Variants in ELOVL6 observed in about 807,000 individuals in gnomAD.
The protein encoded by ELOVL6 is very long chain fatty acid elongase 6.
Under a neutral mutation model 31.7 loss-of-function variants are expected in ELOVL6, and 8 were observed. The ratio of observed to expected loss-of-function variants is 0.25; its 90% confidence interval spans 0.15 to 0.45. ELOVL6 has a LOEUF of 0.45. Among genes scored for constraint, ELOVL6 ranks in the 20% least tolerant of loss-of-function variants. The probability of loss-of-function intolerance (pLI) is 1.00; values close to 1 mark genes in which losing one functional copy is unlikely to be tolerated. For synonymous variants in ELOVL6, 101 were observed against 117.7 expected (o/e 0.86, Z 0.92); for missense variants, 126 against 326.4 (o/e 0.39, Z 4.73).
chr4:110,100,120 T>C (rs973545079), intron 2 of ELOVL6, among the ~76,000 whole-genome samples: 4 of 152,302 alleles, frequency 2.6e-5, no homozygotes, highest in African/African-American at 9.6e-5. Flanking sequence ...TGGAAGTTGG[T>C]CACTATGCCA....
chr4:110,079,013 A>T (rs1755746417), intron 2 of ELOVL6, among the ~76,000 whole-genome samples: 1 of 152,226 alleles, frequency 6.6e-6, no homozygotes, highest in Non-Finnish European at 1.5e-5. Context: ...ATAATGGTAA[A>T]GGGATCAATT....
rs753422403 is a variant in ELOVL6 at position 110,060,333 on chromosome 4, A to G, written c.222-579T>C. ...GAGATGTCAGAATGAGACTCCTTCA[A>G]AAGCTTAGCTCTGTCACCTCCTCCA... is the stretch of plus-strand genomic sequence containing the variant. On this transcript the variant is annotated intron_variant, in intron 2 of 3. Coordinates refer to ENST00000302274, the MANE Select transcript of ELOVL6 (RefSeq NM_024090.3). Among the ~76,000 whole-genome samples, 6 of 152,126 alleles carry G rather than the reference A, an allele frequency of 3.9e-5. No homozygotes were observed. The South Asian group carries it at 1.2e-3, about 31-fold the overall frequency.
intron 1 of ELOVL6, among the ~76,000 whole-genome samples, chr4:110,194,907 T>A (rs1024500434): frequency 5.3e-5 from 8 of 152,224 alleles, no homozygotes; most frequent in African/African-American, 1.7e-4. Flanking sequence ...AAGTTTTGCC[T>A]GTTACTAAGA....
intron 1 of ELOVL6, among the ~76,000 whole-genome samples, chr4:110,127,893 T>C (rs1299736931): frequency 2.0e-5 from 3 of 151,646 alleles, no homozygotes; most frequent in African/African-American, 7.3e-5. Flanking sequence ...AGACAAGTAA[T>C]CAGAAAAGCA....
chr4:110,123,518 G>C (rs1456069521), intron 1 of ELOVL6, among the ~76,000 whole-genome samples: 1 of 152,096 alleles, frequency 6.6e-6, no homozygotes, highest in African/African-American at 2.4e-5. Flanking sequence ...AAATTATATA[G>C]TATGTTAGAA....
intron 1 of ELOVL6, among the ~76,000 whole-genome samples, chr4:110,113,402 GA>G (rs1219079237): frequency 7.5e-6 from 1 of 133,084 alleles, no homozygotes; most frequent in Non-Finnish European, 1.7e-5. Context: ...AACATACTGA[GA>G]CCCCCTCCAT....
intron 1 of ELOVL6, among the ~76,000 whole-genome samples, chr4:110,157,267 A>G (rs898670827): frequency 6.6e-6 from 1 of 152,224 alleles, no homozygotes; most frequent in African/African-American, 2.4e-5. Flanking sequence ...TTAATTTGGT[A>G]CATACAATGT....
At chr4:110,158,411 C>T (rs944232044) in intron 1 of ELOVL6, among the ~76,000 whole-genome samples, 2 of 151,706 alleles carry the variant, frequency 1.3e-5, no homozygotes, top group Non-Finnish European at 2.9e-5. Context: ...TCTAATCATA[C>T]TAGGTTTACT....
chr4:110,143,074 G>A lies in ELOVL6; in HGVS notation c.90-37446C>T, dbSNP rs544846368. 5.8e-4 allele frequency among the ~76,000 whole-genome samples: 88 copies of A among 152,216 alleles called. 1 individual carries two copies. The highest frequency in any genetic ancestry group is 1.9e-3 in the African/African-American group (80 of 41,532). On this transcript the variant is annotated intron_variant, in intron 1 of 3. Coordinates refer to ENST00000302274, the MANE Select transcript of ELOVL6 (RefSeq NM_024090.3). Reference sequence around the variant, plus strand: ...AACTGTGGGCTGGAACATAATACATGTTGACTTATAATTTCTTAGAAAATT... The same window carrying A: ...AACTGTGGGCTGGAACATAATACATATTGACTTATAATTTCTTAGAAAATT...
intron 2 of ELOVL6, among the ~76,000 whole-genome samples, chr4:110,085,063 C>T (rs963494564): frequency 6.6e-6 from 1 of 152,034 alleles, no homozygotes; most frequent in Non-Finnish European, 1.5e-5. Flanking sequence ...TGGCTAAGAA[C>T]ATTTTTATAA....
chr4:110,155,276 G>A (rs1758382287), intron 1 of ELOVL6, among the ~76,000 whole-genome samples: 1 of 151,780 alleles, frequency 6.6e-6, no homozygotes. Context: ...AATCATAATG[G>A]TCATGGCTTT....
chr4:110,149,663 T>C (rs912269657), intron 1 of ELOVL6, among the ~76,000 whole-genome samples: 21 of 152,184 alleles, frequency 1.4e-4, no homozygotes, highest in African/African-American at 5.1e-4. Flanking sequence ...GGGTACGAAG[T>C]GTGTTGCTCC....
At chr4:110,167,673 G>C (rs1202071999) in intron 1 of ELOVL6, among the ~76,000 whole-genome samples, 8 of 146,958 alleles carry the variant, frequency 5.4e-5, no homozygotes, top group African/African-American at 2.1e-4. Flanking sequence ...ATGTATGTAT[G>C]TATGTATGTA....
At chr4:110,165,663 C>A (rs947824675) in intron 1 of ELOVL6, among the ~76,000 whole-genome samples, 1 of 152,208 alleles carries the variant, frequency 6.6e-6, no homozygotes, top group African/African-American at 2.4e-5. Context: ...CTGAATCACA[C>A]ACAGAGATGA....
At chr4:110,179,759 T>C (rs1446840297) in intron 1 of ELOVL6, among the ~76,000 whole-genome samples, 5 of 152,184 alleles carry the variant, frequency 3.3e-5, no homozygotes, top group African/African-American at 1.2e-4. Flanking sequence ...TGTAACTACC[T>C]AGAGAAAACA....
At chr4:110,116,674 A>C (rs1369211636) in intron 1 of ELOVL6, among the ~76,000 whole-genome samples, 1 of 152,194 alleles carries the variant, frequency 6.6e-6, no homozygotes, top group African/African-American at 2.4e-5. Flanking sequence ...TTGGTTTGTA[A>C]CCATTCTCTT....
chr4:110,178,155 G>A (rs1267465852), intron 1 of ELOVL6, among the ~76,000 whole-genome samples: 1 of 152,096 alleles, frequency 6.6e-6, no homozygotes, highest in Non-Finnish European at 1.5e-5. Context: ...GTTTGGTGCA[G>A]GAAGTATTTA....
At chr4:110,184,922 T>G (rs1759394723) in intron 1 of ELOVL6, among the ~76,000 whole-genome samples, 1 of 152,038 alleles carries the variant, frequency 6.6e-6, no homozygotes, top group African/African-American at 2.4e-5. Flanking sequence ...GTGGGAAGGT[T>G]TTTCACAGTA....
At chr4:110,148,849 G>A (rs150950113) in intron 1 of ELOVL6, among the ~76,000 whole-genome samples, 61 of 152,092 alleles carry the variant, frequency 4.0e-4, no homozygotes, top group Admixed American at 6.5e-5. Flanking sequence ...GAAAGTGAAC[G>A]CTTATATACT....
Sources: allele counts gnomAD v4.1 joint callset (sites outside exome capture counted in the v4.1 genomes callset), GRCh38; gene constraint gnomAD v4.1.1; transcripts MANE v1.5; gene names NCBI Gene and HGNC (gene_info 2026-07-23, HGNC 2026-07-21).